The following OAT variants were observed in gnomAD, a reference collection of about 807,000 sequenced individuals.
The protein encoded by OAT is ornithine aminotransferase, also known as ornithine aminotransferase, mitochondrial.
Under a neutral mutation model 48.4 loss-of-function variants are expected in OAT, and 35 were observed. The ratio of observed to expected loss-of-function variants is 0.72; its 90% CI spans 0.55 to 0.96. OAT has a LOEUF of 0.96. OAT is among the 40% of genes least tolerant of loss of function. The probability of loss-of-function intolerance (pLI) is 0.00; values close to 1 mark genes in which losing one functional copy is unlikely to be tolerated. For missense variants in OAT, 438 were observed against 537.9 expected, an observed-to-expected ratio of 0.81 and a Z score of 1.84; for synonymous variants, 182 against 198.4, an observed-to-expected ratio of 0.92 and a Z score of 0.70.
chr10:124,418,818 G>C (rs1418836586), intron 1 of OAT, 55 bp downstream of exon 1: 1 of 152,310 alleles, frequency 6.6e-6, no homozygotes, highest in Admixed American at 6.5e-5. Context: ...CGCTGTCAGG[G>C]AACCCCGGCC....
At chr10:124,410,965 C>G (rs1365717506) in intron 2 of OAT, among the ~76,000 whole-genome samples, 1 of 151,554 alleles carries the variant, frequency 6.6e-6, no homozygotes, top group African/African-American at 2.4e-5. Context: ...CATGATGAAA[C>G]CCTGTCTCTA....
chr10:124,398,449 G>T (rs1951299413), intron 9 of OAT, among the ~76,000 whole-genome samples: 1 of 151,796 alleles, frequency 6.6e-6, no homozygotes. Context: ...GGAGGCTGCA[G>T]TGAGCGGAGA....
At chr10:124,411,797 C>CA (rs1300704585) in intron 2 of OAT, among the ~76,000 whole-genome samples, 176 bp downstream of exon 2, 1 of 124,188 alleles carries the variant, frequency 8.1e-6, no homozygotes, top group Admixed American at 9.9e-5. Context: ...GCCTGGGTGA[C>CA]AGAGTGAGAC....
chr10:124,408,341 A>T lies in OAT; in HGVS notation c.520+201T>A, dbSNP rs1439161976. ...TGTATATATATATATATATATATAT[A>T]TATTTTTTTTTTTTTTTTTTAAATA... On this transcript the variant is annotated intron_variant, in intron 4 of 9. Coordinates refer to ENST00000368845, the MANE Select transcript of OAT (RefSeq NM_000274.4). 3.0e-3 allele frequency among the ~76,000 whole-genome samples: 300 copies of T among 99,434 alleles called. 1 individual carries two copies. The highest frequency in any genetic ancestry group is 3.3e-3 in the Non-Finnish European group (170 of 51,254). The allele number at this position is 99,434 out of a possible 152,430, so 65.2% of individuals were successfully genotyped here. A position where few individuals can be genotyped will look rare whatever the true frequency, so the allele number is the denominator to read the frequency against.
At chr10:124,417,176 T>C (rs1951943430) in intron 1 of OAT, among the ~76,000 whole-genome samples, 1 of 151,246 alleles carries the variant, frequency 6.6e-6, no homozygotes, top group Non-Finnish European at 1.5e-5. Flanking sequence ...GGGAAAAATG[T>C]CTTTTAAAAA....
intron 1 of OAT, among the ~76,000 whole-genome samples, chr10:124,416,977 T>G (rs1349232643): frequency 6.6e-6 from 1 of 152,090 alleles, no homozygotes; most frequent in Non-Finnish European, 1.5e-5. Context: ...GTTTTACTAC[T>G]GAGAAAGGAC....
chr10:124,408,425 C>T (rs998762593), intron 4 of OAT, 117 bp downstream of exon 4: 3 of 799,052 alleles, frequency 3.8e-6, no homozygotes, highest in Non-Finnish European at 6.2e-6. Context: ...GGCTCAAAGA[C>T]TCCTCCTGCC....
At chr10:124,411,088 C>T (rs1008718594) in intron 2 of OAT, among the ~76,000 whole-genome samples, 1 of 129,550 alleles carries the variant, frequency 7.7e-6, no homozygotes, top group Non-Finnish European at 1.6e-5. Flanking sequence ...TGCAGTGAGC[C>T]GAGATCCCAC....
intron 9 of OAT, among the ~76,000 whole-genome samples, chr10:124,400,242 G>C (rs948326225): frequency 1.3e-5 from 2 of 152,062 alleles, no homozygotes; most frequent in Admixed American, 1.3e-4. Flanking sequence ...GAGGTCAGGA[G>C]ATCGAGACCA....
rs1274789501 is a variant in OAT, at chr10:124,412,079, T to C, written c.93A>G (p.Lys31=). 6 of 1,614,216 alleles carry C rather than the reference T, an allele frequency of 3.7e-6. No individual in the cohort carries two copies. In the African/African-American group the frequency reaches 4.0e-5, roughly 11 times the overall value. ...SVASATSVAT[K]KTVQGPPTSD... ...AGGTTGGAGGGCCTTGGACTGTTTT[T>C]TTAGTTGCAACAGATGTAGCAGAAG... Residue 31 remains lysine (K), a synonymous_variant, in exon 2 of 10, where the codon AAA becomes AAG. Coordinates refer to ENST00000368845, the MANE Select transcript of OAT (RefSeq NM_000274.4).
chr10:124,409,563 AT>A (rs1212852886), intron 2 of OAT, among the ~76,000 whole-genome samples: 2 of 152,052 alleles, frequency 1.3e-5, no homozygotes, highest in Non-Finnish European at 2.9e-5. Flanking sequence ...AAAAAAAAAA[AT>A]AAAATAAATA....
At chr10:124,405,713 A>G in intron 4 of OAT, 150 bp from the exon 5 acceptor site, 1 of 1,489,998 alleles carries the variant, frequency 6.7e-7, no homozygotes, top group Middle Eastern at 1.8e-4. Flanking sequence ...TTGTTAAAAC[A>G]AAGTCTGATA....
intron 7 of OAT, among the ~76,000 whole-genome samples, chr10:124,402,133 C>A (rs1951431704): frequency 6.6e-6 from 1 of 152,132 alleles, no homozygotes; most frequent in Non-Finnish European, 1.5e-5. Flanking sequence ...CTCATGACCT[C>A]AGGTGATCTG....
chr10:124,417,692 A>G (rs961652511), intron 1 of OAT, among the ~76,000 whole-genome samples: 2 of 152,240 alleles, frequency 1.3e-5, no homozygotes, highest in African/African-American at 4.8e-5. Flanking sequence ...CACATGGCTA[A>G]GAGCGATTGA....
At chr10:124,406,855 A>T in intron 4 of OAT, 1 of 565,670 alleles carries the variant, frequency 1.8e-6, no homozygotes, top group Non-Finnish European at 2.2e-6. Context: ...AACTGGCAAG[A>T]TCCCTATCCT....
intron 2 of OAT, among the ~76,000 whole-genome samples, chr10:124,409,780 A>G (rs2134481389): frequency 6.6e-6 from 1 of 152,324 alleles, no homozygotes; most frequent in South Asian, 2.1e-4. Flanking sequence ...CTATTTCTTC[A>G]AAGAAGATAT....
chr10:124,411,112 C>CAGTGAGCCGAGATCCCACCATTGCA (rs1418459640), intron 2 of OAT, among the ~76,000 whole-genome samples: 1 of 116,162 alleles, frequency 8.6e-6, no homozygotes, highest in East Asian at 3.1e-4. Flanking sequence ...TGCACTCCAG[C>CAGTGAGCCGAGATCCCACCATTGCA]CTGGGTGACA....
intron 4 of OAT, chr10:124,405,805 CT>C (rs1951559207): frequency 7.7e-7 from 1 of 1,300,776 alleles, no homozygotes; most frequent in Non-Finnish European, 9.8e-7. Flanking sequence ...TCTACTGAGC[CT>C]CTTGACTGGA....
Position 124,412,043 on chromosome 10 carries a change from A to G in OAT, c.129T>C (p.Ile43=). The change falls in exon 2 of 10, where the codon ATT becomes ATC. Residue 43 remains isoleucine, a synonymous_variant. Transcript: ENST00000368845. The stretch of plus-strand genomic sequence containing the variant: ...CACCATACTTATATTCCCTTTCAAA[A>G]ATGTCATCAGAGGTTGGAGGGCCTT... ...TVQGPPTSDD[I]FEREYKYGAH... is the part of the protein sequence containing the mutation. 6.2e-7 allele frequency: 1 copy of G among 1,614,196 alleles called. No homozygotes were observed. Among genetic ancestry groups the G allele is most frequent in the Non-Finnish European group, 8.5e-7 (1 of 1,180,030 alleles).
Sources: allele counts gnomAD v4.1 joint callset (sites outside exome capture counted in the v4.1 genomes callset), GRCh38; gene constraint gnomAD v4.1.1; transcripts MANE v1.5; gene names NCBI Gene and HGNC (gene_info 2026-07-23, HGNC 2026-07-21).